The following SAMD12 variants were observed in gnomAD, a reference collection of about 807,000 sequenced individuals.
The protein encoded by SAMD12 is sterile alpha motif domain-containing protein 12.
Under a neutral mutation model 15.0 loss-of-function variants are expected in SAMD12, and 9 were observed. The ratio of observed to expected loss-of-function variants is 0.60; its 90% confidence interval spans 0.36 to 1.05. The LOEUF (loss-of-function observed/expected upper bound fraction) is 1.05, where lower values mean the gene tolerates loss of function less well. SAMD12 is among the 50% of genes least tolerant of loss of function. The pLI is 0.01. For missense variants in SAMD12, 230 were observed against 234.2 expected (o/e 0.98, Z 0.12); for synonymous variants, 86 against 90.1 (o/e 0.96, Z 0.25).
chr8:118,240,448 T>G (rs1023885078), intron 4 of SAMD12, among the ~76,000 whole-genome samples: 5 of 152,198 alleles, frequency 3.3e-5, no homozygotes, highest in African/African-American at 1.2e-4. Context: ...CAGACAGTTC[T>G]GGATTTGCAT....
chr8:118,336,808 C>G (rs979873607), intron 4 of SAMD12, among the ~76,000 whole-genome samples: 3 of 152,184 alleles, frequency 2.0e-5, no homozygotes, highest in Non-Finnish European at 2.9e-5. Context: ...GTGGCACATA[C>G]ACACCATGGA....
intron 1 of SAMD12, among the ~76,000 whole-genome samples, chr8:118,605,845 A>G (rs1827974795): frequency 7.7e-6 from 1 of 129,140 alleles, no homozygotes; most frequent in Non-Finnish European, 1.6e-5. Flanking sequence ...GACCATCAAC[A>G]ACCAGTATAG....
chr8:118,417,134 G>T (rs1821739237), intron 3 of SAMD12, among the ~76,000 whole-genome samples: 1 of 151,946 alleles, frequency 6.6e-6, no homozygotes, highest in Non-Finnish European at 1.5e-5. Flanking sequence ...TTGCTGGAGT[G>T]CACTGGTACA....
At chr8:118,446,224 A>T (rs1586723852) in intron 2 of SAMD12, among the ~76,000 whole-genome samples, 2 of 147,656 alleles carry the variant, frequency 1.4e-5, no homozygotes, top group African/African-American at 2.5e-5. Context: ...TTTTTTTTTT[A>T]AAGGAGATAA....
the SAMD12 span, among the ~76,000 whole-genome samples, chr8:118,132,991 TATATATATA>T: frequency 1.3e-5 from 1 of 78,616 alleles, no homozygotes; most frequent in Admixed American, 1.5e-4. Context: ...TATATATATA[TATATATATA>T]TATATATATA....
intron 4 of SAMD12, among the ~76,000 whole-genome samples, chr8:118,306,692 A>C (rs1219197667): frequency 6.6e-6 from 1 of 152,176 alleles, no homozygotes; most frequent in Non-Finnish European, 1.5e-5. Flanking sequence ...CTTTTGTCTA[A>C]GCTGCTGCTA....
Position 118,315,392 on chromosome 8 carries a change from T to C in SAMD12, c.433+64168A>G, listed in dbSNP as rs184551908. Among the ~76,000 whole-genome samples, 3 of 152,310 alleles carry C rather than the reference T, an allele frequency of 2.0e-5. No homozygotes were observed. The East Asian group carries it at 5.8e-4, about 29-fold the overall frequency. On this transcript the variant is annotated intron_variant, in intron 4 of 4. Coordinates refer to the SAMD12 transcript ENST00000409003. ...AGGCAATTACCCTAATTTGCATGAA[T>C]AGCTTCCCCCAGATCTCCTAAATTC...
chr8:118,621,486 C>A, intron 1 of SAMD12: 2 of 426,332 alleles, frequency 4.7e-6, no homozygotes, highest in Non-Finnish European at 8.4e-6. Context: ...AAGGGCATCT[C>A]GGGGCCAAAA....
chr8:118,198,765 C>G (rs527639255), intron 4 of SAMD12, among the ~76,000 whole-genome samples: 21 of 152,128 alleles, frequency 1.4e-4, no homozygotes, highest in Non-Finnish European at 2.9e-4. Context: ...GTATTGAAAG[C>G]AGAATACTAT....
chr8:118,269,390 A>T (rs1279621935), intron 4 of SAMD12, among the ~76,000 whole-genome samples: 3 of 152,150 alleles, frequency 2.0e-5, no homozygotes, highest in Non-Finnish European at 4.4e-5. Context: ...GCTATTTATA[A>T]GACAATAACC....
At chr8:118,486,036 G>T (rs10282988) in intron 2 of SAMD12, among the ~76,000 whole-genome samples, 3,845 of 152,242 alleles carry the variant, frequency 0.025, 180 homozygotes, top group African/African-American at 0.085. Flanking sequence ...TACTTTGCAT[G>T]GGAAAAGGAA....
At chr8:118,148,689 C>T in the SAMD12 span, among the ~76,000 whole-genome samples, 1 of 152,122 alleles carries the variant, frequency 6.6e-6, no homozygotes, top group Admixed American at 6.6e-5. Flanking sequence ...TGCAGTTAAT[C>T]CTCATTTCTA....
At chr8:118,337,169 GA>G (rs199578154) in intron 4 of SAMD12, among the ~76,000 whole-genome samples, 15 of 146,770 alleles carry the variant, frequency 1.0e-4, no homozygotes, top group African/African-American at 3.3e-4. Context: ...ATTAAAAAAA[GA>G]AAAAAAAAGG....
chr8:118,159,511 C>T, the SAMD12 span, among the ~76,000 whole-genome samples: 2 of 152,034 alleles, frequency 1.3e-5, no homozygotes, highest in African/African-American at 4.8e-5. Context: ...CAGAATAAGC[C>T]CAGTGGGCCC....
intron 1 of SAMD12, among the ~76,000 whole-genome samples, chr8:118,606,960 C>T (rs1203160950): frequency 6.6e-6 from 1 of 152,160 alleles, no homozygotes; most frequent in Non-Finnish European, 1.5e-5. Flanking sequence ...AGAGTACCCT[C>T]ATGGTACCAC....
intron 4 of SAMD12, among the ~76,000 whole-genome samples, chr8:118,201,367 A>G (rs758415278): frequency 1.8e-4 from 28 of 152,130 alleles, no homozygotes; most frequent in Admixed American, 2.0e-4. Flanking sequence ...ACAACCACCT[A>G]GAGCGTCACT....
chr8:118,388,183 T>C (rs1031707537), intron 3 of SAMD12, among the ~76,000 whole-genome samples: 1 of 152,202 alleles, frequency 6.6e-6, no homozygotes, highest in African/African-American at 2.4e-5. Flanking sequence ...AAGTTCTATA[T>C]GACTGTGGTG....
At chr8:118,140,278 A>ATT in the SAMD12 span, among the ~76,000 whole-genome samples, 3 of 148,034 alleles carry the variant, frequency 2.0e-5, no homozygotes, top group South Asian at 4.3e-4. Flanking sequence ...TTTGTCTTTT[A>ATT]TTTTTTTTTT....
At chr8:118,403,234 A>G (rs1820956010) in intron 3 of SAMD12, among the ~76,000 whole-genome samples, 1 of 152,346 alleles carries the variant, frequency 6.6e-6, no homozygotes, top group East Asian at 1.9e-4. Flanking sequence ...TGGGCTAATG[A>G]AAACAAAGAG....
Sources: gnomAD v4.1 joint callset for allele counts (sites outside exome capture counted in the v4.1 genomes callset) on GRCh38, gnomAD v4.1.1 for gene constraint, MANE v1.5 for transcripts, NCBI Gene and HGNC (gene_info 2026-07-23, HGNC 2026-07-21) for gene names.